SLCO1B3: variants seen among roughly 807,000 people sequenced by gnomAD.
SLCO1B3 encodes liver-specific organic anion transporter 2.
SLCO1B3 carries 72 observed loss-of-function variants against 71.8 expected under a neutral mutation model. The observed-to-expected ratio is 1.00, with a 90% CI of 0.83 to 1.22. The LOEUF is 1.22. SLCO1B3 is among the 50% of genes most tolerant of loss of function. The pLI is 0.00. For missense variants in SLCO1B3, 911 were observed against 819.7 expected (o/e 1.11, Z -1.36); for synonymous variants, 298 against 278.4 (o/e 1.07, Z -0.70).
At chr12:20,814,679 AG>A (rs1242065904) in intron 2 of SLCO1B3, among the ~76,000 whole-genome samples, 1 of 152,072 alleles carries the variant, frequency 6.6e-6, no homozygotes. Flanking sequence ...TCAGGAGGTC[AG>A]GAGATCGAGA....
rs758252193 is a variant in SLCO1B3 at position 20,883,617 on chromosome 12, G to T, written c.1682+15G>T. On this transcript the variant is annotated intron_variant, in intron 13 of 15. Transcript: ENST00000381545. Reference sequence around the variant, plus strand: ...TTGACTGTGAAGTAAGTATGATCCTGTAAAACATTGTCATGTATATTAGAC... The same window carrying T: ...TTGACTGTGAAGTAAGTATGATCCTTTAAAACATTGTCATGTATATTAGAC... 4 of 1,536,838 alleles carry T rather than the reference G, an allele frequency of 2.6e-6. No individual in the cohort carries two copies. In the Admixed American group the frequency reaches 6.0e-5, roughly 23 times the overall value.
At chr12:20,869,798 A>G (rs1865445964) in intron 8 of SLCO1B3, among the ~76,000 whole-genome samples, 1 of 152,186 alleles carries the variant, frequency 6.6e-6, no homozygotes, top group Non-Finnish European at 1.5e-5. Context: ...TGAACATACA[A>G]ATGGAAATAT....
chr12:20,903,954 T>G (rs1369093570), intron 15 of SLCO1B3, among the ~76,000 whole-genome samples: 2 of 152,066 alleles, frequency 1.3e-5, no homozygotes, highest in African/African-American at 4.8e-5. Flanking sequence ...AGTTAGTTAC[T>G]TCTGGCCAGG....
intron 3 of SLCO1B3, among the ~76,000 whole-genome samples, chr12:20,825,161 A>G (rs1864394333): frequency 6.6e-6 from 1 of 152,160 alleles, no homozygotes; most frequent in Non-Finnish European, 1.5e-5. Flanking sequence ...TAAATTAAAA[A>G]GTGGGTTAAT....
chr12:20,890,938 G>A (rs1865890670), intron 13 of SLCO1B3, among the ~76,000 whole-genome samples: 1 of 152,040 alleles, frequency 6.6e-6, no homozygotes, highest in South Asian at 2.1e-4. Context: ...TTTTTTGTAT[G>A]CAGCATATAG....
At chr12:20,833,891 A>ATATG (rs146990474) in intron 3 of SLCO1B3, among the ~76,000 whole-genome samples, 66,927 of 146,658 alleles carry the variant, frequency 0.46, 17,258 homozygotes, top group South Asian at 0.67. Flanking sequence ...TGTATACAAT[A>ATATG]TATATATTCA....
At chr12:20,843,820 C>T (rs2121181930) in intron 3 of SLCO1B3, among the ~76,000 whole-genome samples, 1 of 151,858 alleles carries the variant, frequency 6.6e-6, no homozygotes, top group East Asian at 1.9e-4. Flanking sequence ...TGTACATCCA[C>T]ACTTACTGTT....
chr12:20,889,407 G>C (rs1312537558), intron 13 of SLCO1B3, among the ~76,000 whole-genome samples: 1 of 151,860 alleles, frequency 6.6e-6, no homozygotes, highest in African/African-American at 2.4e-5. Flanking sequence ...AAGGATTTCT[G>C]TTTCTTCCTG....
At chr12:20,819,533 A>G (rs1421635195) in intron 3 of SLCO1B3, among the ~76,000 whole-genome samples, 1 of 152,136 alleles carries the variant, frequency 6.6e-6, no homozygotes, top group Non-Finnish European at 1.5e-5. Flanking sequence ...GGAGGGAGGT[A>G]TTGAGGATAG....
At chr12:20,847,321 G>T (rs770448168) in intron 3 of SLCO1B3, among the ~76,000 whole-genome samples, 1 of 152,216 alleles carries the variant, frequency 6.6e-6, no homozygotes, top group Non-Finnish European at 1.5e-5. Context: ...AGCCCAAGGT[G>T]TTGGTATTTG....
chr12:20,875,651 G>C (rs146612167), intron 9 of SLCO1B3, among the ~76,000 whole-genome samples, 174 bp downstream of exon 9: 59 of 152,114 alleles, frequency 3.9e-4, no homozygotes, highest in African/African-American at 1.3e-3. Context: ...TATGTCTTGA[G>C]TACATAAAAA....
intron 13 of SLCO1B3, among the ~76,000 whole-genome samples, chr12:20,895,882 T>C (rs4357743): frequency 0.7 from 107,223 of 152,122 alleles, 40,025 homozygotes; most frequent in South Asian, 0.89. Flanking sequence ...TCCATACATC[T>C]TCTGAAATCT....
intron 3 of SLCO1B3, among the ~76,000 whole-genome samples, chr12:20,834,163 C>T (rs1420081528): frequency 1.6e-5 from 1 of 60,742 alleles, no homozygotes; most frequent in African/African-American, 3.7e-5. Context: ...ATTTATATAT[C>T]AAACTATGTA....
chr12:20,827,298 A>G (rs1290731950), intron 3 of SLCO1B3, among the ~76,000 whole-genome samples: 1 of 152,206 alleles, frequency 6.6e-6, no homozygotes, highest in Non-Finnish European at 1.5e-5. Context: ...TTTTACCAGC[A>G]ATTAAAACAC....
chr12:20,834,513 T>C (rs1864630576), intron 3 of SLCO1B3, among the ~76,000 whole-genome samples: 2 of 148,128 alleles, frequency 1.4e-5, no homozygotes, highest in African/African-American at 4.9e-5. Context: ...AACATATGTA[T>C]TTATCCTATA....
intron 14 of SLCO1B3, 58 bp from the exon 15 acceptor site, chr12:20,901,292 G>A (rs540885211): frequency 3.3e-5 from 34 of 1,045,572 alleles, no homozygotes; most frequent in Non-Finnish European, 4.5e-5. Context: ...ATCGACTATC[G>A]CTCAGTTACA....
Position 20,875,469 on chromosome 12 carries a change from A to T in SLCO1B3, c.962A>T (p.Asn321Ile), listed in dbSNP as rs760723958. 7 of 1,601,950 alleles carry T rather than the reference A, an allele frequency of 4.4e-6. No individual in the cohort carries two copies. Among genetic ancestry groups the T allele is most frequent in the Non-Finnish European group, 5.9e-6 (7 of 1,177,506 alleles). Residue 321 changes from asparagine (N) to isoleucine (I), a missense_variant, in exon 9 of 16, where the codon AAT becomes ATT. Coordinates refer to ENST00000381545, the MANE Select transcript of SLCO1B3 (RefSeq NM_019844.4). ...AACCAAGGAAAAAATGTTACCAAAA[A>T]TGTGACTGGTAGGTATTTGACATTC... ...LTNQGKNVTK[N>I]VTGFFQSLKS... is the part of the protein sequence containing the mutation.
At position 20,843,556 on chromosome 12, in the gene SLCO1B3, G is replaced by A. The variant is rs1333747061; in HGVS notation, c.85-11472G>A. ...AGCACTTTGGGAGGCTGACGTGGGT[G>A]GATCACAAGATCAGGAGATTGAGAC... On this transcript the variant is annotated intron_variant, in intron 3 of 15. Transcript: ENST00000381545. Among the ~76,000 whole-genome samples, 3 of 151,864 alleles carry A rather than the reference G, an allele frequency of 2.0e-5. No individual in the cohort carries two copies. The East Asian group carries it at 5.9e-4, about 30-fold the overall frequency.
chr12:20,811,778 T>G (rs1864113947), intron 1 of SLCO1B3, among the ~76,000 whole-genome samples: 1 of 152,200 alleles, frequency 6.6e-6, no homozygotes, highest in Non-Finnish European at 1.5e-5. Context: ...AATAATATGT[T>G]CAGAGCAAAA....
Sources: gnomAD v4.1 joint callset for allele counts (sites outside exome capture counted in the v4.1 genomes callset) on GRCh38, gnomAD v4.1.1 for gene constraint, MANE v1.5 for transcripts, NCBI Gene and HGNC (gene_info 2026-07-23, HGNC 2026-07-21) for gene names.